The following LARGE1 variants were observed in gnomAD, a reference collection of about 807,000 sequenced individuals.
The protein encoded by LARGE1 is LARGE xylosyl- and glucuronyltransferase 1, also known as xylosyl- and glucuronyltransferase LARGE1.
A neutral mutation model predicts 87.6 loss-of-function variants in LARGE1; 43 were observed. That is an observed-to-expected ratio of 0.49 (90% confidence interval 0.38 to 0.63). The LOEUF (loss-of-function observed/expected upper bound fraction) is 0.63. LARGE1 is among the 30% of genes least tolerant of loss of function. LARGE1 has a pLI of 0.00. For missense variants in LARGE1, 802 were observed against 1,000.2 expected (o/e 0.80, Z 2.67); for synonymous variants, 434 against 394.6 (o/e 1.10, Z -1.18).
At chr22:33,531,544 T>C (rs1364956420) in intron 6 of LARGE1, among the ~76,000 whole-genome samples, 1 of 152,234 alleles carries the variant, frequency 6.6e-6, no homozygotes. Flanking sequence ...TTGAGAAGCC[T>C]AATGCAGATT....
At chr22:33,504,611 C>T (rs1157134183) in intron 6 of LARGE1, among the ~76,000 whole-genome samples, 1 of 152,152 alleles carries the variant, frequency 6.6e-6, no homozygotes, top group African/African-American at 2.4e-5. Context: ...GACTGGCAGG[C>T]TGGTTTCAAA....
the LARGE1 span, among the ~76,000 whole-genome samples, chr22:33,107,591 G>T: frequency 6.6e-6 from 1 of 152,038 alleles, no homozygotes; most frequent in Non-Finnish European, 1.5e-5. Context: ...TTAGTCAGGC[G>T]CAGTGGCTCA....
At chr22:33,217,715 A>C (rs1450486903) in intron 11 of LARGE1, among the ~76,000 whole-genome samples, 1 of 152,142 alleles carries the variant, frequency 6.6e-6, no homozygotes, top group East Asian at 1.9e-4. Flanking sequence ...TATATTGATA[A>C]TATGGTATTC....
At position 33,277,258 on chromosome 22, in the gene LARGE1, G is replaced by T. The variant is rs770542771; in HGVS notation, c.1878-3C>A. The T allele has an allele frequency of 6.2e-7, 1 of 1,613,950 alleles. No individual in the cohort carries two copies. Among genetic ancestry groups the T allele is most frequent in the Non-Finnish European group, 8.5e-7 (1 of 1,179,894 alleles). ...GGCCTTTCGTCCAGACGTGGTACCT[G>T]AGACACACGGAGAAAAGCCATTGGG... On this transcript the variant is annotated splice_region_variant and splice_polypyrimidine_tract_variant and intron_variant, in intron 13 of 14. Transcript: ENST00000397394.
At chr22:33,556,178 C>T (rs2077669898) in intron 6 of LARGE1, among the ~76,000 whole-genome samples, 1 of 151,940 alleles carries the variant, frequency 6.6e-6, no homozygotes, top group African/African-American at 2.4e-5. Context: ...AGACTTTCTA[C>T]ACTTGCATGT....
intron 6 of LARGE1, among the ~76,000 whole-genome samples, chr22:33,549,244 C>T (rs2077452137): frequency 1.3e-5 from 2 of 152,236 alleles, no homozygotes; most frequent in African/African-American, 4.8e-5. Context: ...TCTTCATTGA[C>T]AGGCCACATA....
intron 3 of LARGE1, among the ~76,000 whole-genome samples, chr22:33,641,539 A>G (rs2080433886): frequency 6.6e-6 from 1 of 152,240 alleles, no homozygotes; most frequent in African/African-American, 2.4e-5. Context: ...AGTTTGACCA[A>G]TTGACAGAAG....
At chr22:33,699,950 T>C (rs1015817091) in intron 2 of LARGE1, among the ~76,000 whole-genome samples, 2 of 150,802 alleles carry the variant, frequency 1.3e-5, no homozygotes, top group Admixed American at 6.6e-5. Flanking sequence ...TTAATTCCCA[T>C]GTCTATTTTG....
At chr22:33,537,462 A>G (rs2077073828) in intron 6 of LARGE1, among the ~76,000 whole-genome samples, 1 of 151,846 alleles carries the variant, frequency 6.6e-6, no homozygotes, top group Non-Finnish European at 1.5e-5. Flanking sequence ...TTCCAAGAAC[A>G]CTCATTCTAT....
At chr22:33,501,646 T>C (rs117070359) in intron 6 of LARGE1, among the ~76,000 whole-genome samples, 5 of 152,262 alleles carry the variant, frequency 3.3e-5, no homozygotes, top group Non-Finnish European at 7.3e-5. Context: ...TGGCTGTCCA[T>C]CAACACTTAT....
At position 33,679,938 on chromosome 22, in the gene LARGE1, C is replaced by T. The variant is rs150852480; in HGVS notation, c.107-29270G>A. Among the ~76,000 whole-genome samples, 17 of 152,300 alleles carry T rather than the reference C, an allele frequency of 1.1e-4. 1 individual carries two copies. The East Asian group carries it at 3.3e-3, about 29-fold the overall frequency. On this transcript the variant is annotated intron_variant, in intron 2 of 14. Transcript: ENST00000397394. The stretch of plus-strand genomic sequence containing the variant: ...ATCTCCAGAAGGAGTATGGTTTAGC[C>T]AATACCTTGATTTTGGACTTCTAGC...
chr22:33,302,854 G>A (rs922346670), intron 12 of LARGE1, among the ~76,000 whole-genome samples: 2 of 152,028 alleles, frequency 1.3e-5, no homozygotes, highest in African/African-American at 4.8e-5. Flanking sequence ...TGCTTCTCTG[G>A]GCCCCACTCT....
intron 6 of LARGE1, among the ~76,000 whole-genome samples, chr22:33,463,315 G>T (rs996657345): frequency 2.0e-5 from 3 of 151,846 alleles, no homozygotes; most frequent in Non-Finnish European, 4.4e-5. Flanking sequence ...AAAAGCTGAT[G>T]AATTTGTATT....
At chr22:33,801,621 T>G (rs1484539523) in intron 1 of LARGE1, among the ~76,000 whole-genome samples, 2 of 152,162 alleles carry the variant, frequency 1.3e-5, no homozygotes, top group African/African-American at 4.8e-5. Context: ...AATGTGTCAT[T>G]TACACACATT....
chr22:33,089,314 T>C, the LARGE1 span, among the ~76,000 whole-genome samples: 87 of 115,752 alleles, frequency 7.5e-4, no homozygotes, highest in South Asian at 2.9e-3. Flanking sequence ...CTTCTTCTTC[T>C]TTCTTCTTTC....
At chr22:33,706,826 C>T (rs976411449) in intron 2 of LARGE1, among the ~76,000 whole-genome samples, 3 of 152,186 alleles carry the variant, frequency 2.0e-5, no homozygotes, top group African/African-American at 7.2e-5. Flanking sequence ...TAATCCATGA[C>T]ATCTCAGATC....
intron 1 of LARGE1, among the ~76,000 whole-genome samples, chr22:33,762,830 C>A (rs1212100517): frequency 1.3e-5 from 2 of 152,182 alleles, no homozygotes; most frequent in African/African-American, 2.4e-5. Flanking sequence ...CATCTCTACC[C>A]ACCTCCTGAC....
intron 2 of LARGE1, among the ~76,000 whole-genome samples, chr22:33,684,769 G>A (rs528307301): frequency 1.3e-5 from 2 of 152,284 alleles, no homozygotes; most frequent in Admixed American, 1.3e-4. Context: ...GCTTCTTACA[G>A]CGATGGCCTT....
intron 1 of LARGE1, among the ~76,000 whole-genome samples, chr22:33,909,558 C>T (rs537048437): frequency 2.6e-5 from 4 of 151,188 alleles, no homozygotes; most frequent in Non-Finnish European, 4.4e-5. Flanking sequence ...GTTTTTGAGA[C>T]GGAGTCTCGC....
Sources: allele counts gnomAD v4.1 joint callset (sites outside exome capture counted in the v4.1 genomes callset), GRCh38; gene constraint gnomAD v4.1.1; transcripts MANE v1.5; gene names NCBI Gene and HGNC (gene_info 2026-07-23, HGNC 2026-07-21).